The following WDR87 variants were observed in gnomAD, a reference collection of about 807,000 sequenced individuals.
WDR87 encodes the protein WD repeat-containing protein 87.
A neutral mutation model predicts 83.3 loss-of-function variants in WDR87; 56 were observed. The ratio of observed to expected loss-of-function variants is 0.67; its 90% CI spans 0.54 to 0.84. WDR87 has a LOEUF of 0.84. Ranked by LOEUF, WDR87 falls within the 40% of genes least tolerant of loss-of-function variation. WDR87 has a pLI of 0.00. For missense variants in WDR87, 2,939 were observed against 3,431.9 expected (o/e 0.86, Z 3.59); for synonymous variants, 1,173 against 1,250.6 (o/e 0.94, Z 1.31).
chr19:37,902,022 G>GTTTATTTA (rs10618499), intron 1 of WDR87, among the ~76,000 whole-genome samples: 19 of 145,060 alleles, frequency 1.3e-4, no homozygotes, highest in Non-Finnish European at 2.4e-4. Flanking sequence ...GGCCCTCTAT[G>GTTTATTTA]TTTATTTATT....
rs1005429821 is a variant in WDR87 at position 37,887,025 on chromosome 19, C to T, written c.6646G>A (p.Asp2216Asn). 1 of 1,552,074 alleles carries T rather than the reference C, an allele frequency of 6.4e-7. No homozygotes were observed. Among genetic ancestry groups the T allele is most frequent in the African/African-American group, 1.4e-5 (1 of 73,148 alleles). ...TCTATTCCTCCTTCCTCTTCATCAT[C>T]CAGTATGACTTCTGAATGCTTTCTG... The part of the protein sequence containing the change: ...LARKHSEVIL[D>N]DEEEGGIEEE... The change falls in exon 6 of 6, where the codon GAT (aspartate) becomes AAT (asparagine). Residue 2216 changes from aspartate to asparagine, a missense_variant. Physicochemically the swap from Asp to Asn is conservative, Grantham distance 23. This residue lies in a region of WDR87 where 2,160 missense variants were observed against 2,533.1 expected (regional missense o/e 0.85). Coordinates refer to ENST00000447313, the MANE Select transcript of WDR87 (RefSeq NM_001291088.2).
intron 3 of WDR87, 95 bp from the exon 4 acceptor site, chr19:37,895,551 TGA>T (rs2145434904): frequency 8.6e-7 from 1 of 1,162,632 alleles, no homozygotes; most frequent in East Asian, 2.6e-5. Context: ...GTGGATCACC[TGA>T]GGTCAGGAGT....
At chr19:37,903,434 C>T (rs2046304495) in intron 1 of WDR87, among the ~76,000 whole-genome samples, 1 of 152,170 alleles carries the variant, frequency 6.6e-6, no homozygotes. Context: ...GGGCTAGTTT[C>T]TGTTGGATGG....
Position 37,890,000 on chromosome 19 carries a change from G to A in WDR87, c.3671C>T (p.Ala1224Val). The A allele has an allele frequency of 6.4e-7, 1 of 1,551,628 alleles. No individual in the cohort carries two copies. Among genetic ancestry groups the A allele is most frequent in the Non-Finnish European group, 8.7e-7 (1 of 1,146,998 alleles). Residue 1224 changes from alanine (A) to valine (V), a missense_variant, in exon 6 of 6, where the codon GCT becomes GTT. Ala to Val is a moderately conservative substitution (Grantham distance 64, BLOSUM62 0). Transcript: ENST00000447313. Reference protein sequence around the residue: ...IRDKRDKKATAQKLKKKHKKK... With the variant: ...IRDKRDKKATVQKLKKKHKKK... ...TTTGTGCTTCTTTTTGAGTTTCTGA[G>A]CTGTTGCTTTCTTGTCTCTTTTGTC...
chr19:37,890,391 G>A, intron 5 of WDR87, 115 bp from the exon 6 acceptor site: 16 of 1,248,094 alleles, frequency 1.3e-5, no homozygotes, highest in Admixed American at 3.8e-5. Flanking sequence ...ACAACAGAGA[G>A]AACTGAGGCC....
Position 37,886,869 on chromosome 19 carries a change from C to G in WDR87, c.6802G>C (p.Glu2268Gln). Residue 2268 changes from glutamate (E) to glutamine (Q), a missense_variant, in exon 6 of 6, where the codon GAA (glutamate) becomes CAA (glutamine). Glu to Gln is a conservative substitution (Grantham distance 29). This residue lies in a region of WDR87 where 2,160 missense variants were observed against 2,533.1 expected (regional missense o/e 0.85). Coordinates refer to ENST00000447313, the MANE Select transcript of WDR87 (RefSeq NM_001291088.2). The part of the protein sequence containing the change: ...EVESEEHFSE[E>Q]MESLLDELEK... ...AGTTCATCTAACAGGCTTTCCATTT[C>G]TTCAGAAAAATGCTCTTCACTTTCC... 1 of 1,551,484 alleles carries G rather than the reference C, an allele frequency of 6.4e-7. No individual in the cohort carries two copies. The highest frequency in any genetic ancestry group is 8.7e-7 in the Non-Finnish European group (1 of 1,146,948).
chr19:37,896,246 G>C lies in WDR87; in HGVS notation c.138C>G (p.Phe46Leu), dbSNP rs761890202. ...TATTTTGAGGATAGCGAGACTCTTT[G>C]AACAGTACCTGGGACCGGTCACTCA... is the stretch of plus-strand genomic sequence containing the variant. ...IVLSDRSQVL[F>L]KESRYPQNMP... The change falls in exon 3 of 6, where the codon TTC (phenylalanine) becomes TTG (leucine). Residue 46 changes from phenylalanine to leucine, a missense_variant. Coordinates refer to ENST00000447313, the MANE Select transcript of WDR87 (RefSeq NM_001291088.2). The C allele has an allele frequency of 4.4e-5, 69 of 1,552,096 alleles. 2 individuals carry two copies. In the South Asian group the frequency reaches 8.2e-4, roughly 18 times the overall value.
chr19:37,890,645 A>G (rs2046197528), intron 5 of WDR87, among the ~76,000 whole-genome samples: 1 of 152,166 alleles, frequency 6.6e-6, no homozygotes, highest in African/African-American at 2.4e-5. Context: ...TGCAATCACA[A>G]TCAGGATATA....
rs2046217555 is a variant in WDR87, at chr19:37,892,797, G to C, written c.2906C>G (p.Thr969Arg). The C allele has an allele frequency of 2.6e-5, 41 of 1,551,752 alleles. No homozygotes were observed. The highest frequency in any genetic ancestry group is 3.6e-5 in the Non-Finnish European group (41 of 1,147,012). The change falls in exon 4 of 6, where the codon ACA becomes AGA. Residue 969 changes from threonine (T) to arginine (R), a missense_variant. Thr to Arg is a moderately conservative substitution (Grantham distance 71, BLOSUM62 -1). Coordinates refer to ENST00000447313, the MANE Select transcript of WDR87 (RefSeq NM_001291088.2). ...TCGGATCAGCGGGTTGGAATTGGTT[G>C]TATCATTCAGTAGCCGACGGGCTGT... Reference protein sequence around the residue: ...SETARRLLNDTTNSNPLIREL... With the variant: ...SETARRLLNDRTNSNPLIREL...
chr19:37,891,295 C>G (rs1480052388), intron 5 of WDR87, among the ~76,000 whole-genome samples: 1 of 151,932 alleles, frequency 6.6e-6, no homozygotes, highest in Non-Finnish European at 1.5e-5. Flanking sequence ...TCCCAAATAG[C>G]TGGGATTACA....
Position 37,893,602 on chromosome 19 carries a change from G to A in WDR87, c.2101C>T (p.Pro701Ser). 6.4e-7 allele frequency: 1 copy of A among 1,552,066 alleles called. No homozygotes were observed. Among genetic ancestry groups the A allele is most frequent in the East Asian group, 2.4e-5 (1 of 40,924 alleles). Reference protein sequence around the residue: ...ISDEVLEVPKPFIPSFFFSFE... With the variant: ...ISDEVLEVPKSFIPSFFFSFE... ...GAGAAGAAGAAGCTTGGTATGAAAG[G>A]CTTAGGGACTTCCAGTACTTCATCT... Residue 701 changes from proline to serine, a missense_variant, in exon 4 of 6, where the codon CCT (proline) becomes TCT (serine). Physicochemically the swap from Pro to Ser is moderately conservative, Grantham distance 74. Coordinates refer to ENST00000447313, the MANE Select transcript of WDR87 (RefSeq NM_001291088.2).
chr19:37,889,695 A>G lies in WDR87; in HGVS notation c.3976T>C (p.Phe1326Leu), dbSNP rs930550640. Residue 1326 changes from phenylalanine to leucine, a missense_variant, in exon 6 of 6, where the codon TTT (phenylalanine) becomes CTT (leucine). Around this residue, in one of 3 missense-constraint regions of WDR87, gnomAD observed 2,160 missense variants for 2,533.1 expected, o/e 0.85. Coordinates refer to ENST00000447313, the MANE Select transcript of WDR87 (RefSeq NM_001291088.2). ...LVDRHPSWELFQEICPLLKKE... is the reference protein window; with the variant it reads ...LVDRHPSWELLQEICPLLKKE... ...TTCAATAGGGGGCAGATCTCCTGAA[A>G]GAGTTCCCAGCTGGGGTGCCTATCT... 6.4e-7 allele frequency: 1 copy of G among 1,551,754 alleles called. No homozygotes were observed.
In WDR87 at chr19:37,888,268, T is replaced by C; in HGVS notation, c.5403A>G (p.Lys1801=). The C allele has an allele frequency of 6.4e-7, 1 of 1,551,722 alleles. No individual in the cohort carries two copies. The highest frequency in any genetic ancestry group is 8.7e-7 in the Non-Finnish European group (1 of 1,147,026). ...EEEALAWQRE[K]LSEEETKLAQ... The stretch of plus-strand genomic sequence containing the variant: ...CCAGTTTTGTCTCTTCTTCAGACAG[T>C]TTCTCCCTTTGCCAGGCCAATGCCT... The change falls in exon 6 of 6, where the codon AAA becomes AAG. Residue 1801 remains lysine, a synonymous_variant. Transcript: ENST00000447313.
Position 37,888,416 on chromosome 19 carries a change from T to G in WDR87, c.5255A>C (p.Glu1752Ala). 1 of 1,552,206 alleles carries G rather than the reference T, an allele frequency of 6.4e-7. No individual in the cohort carries two copies. Among genetic ancestry groups the G allele is most frequent in the Non-Finnish European group, 8.7e-7 (1 of 1,147,110 alleles). Reference sequence around the variant, plus strand: ...CAGTTCCTCCAATTCCTGGGCCAGCTCCTTTTCTTGCCAGTCCAGATTTTG... The same window carrying G: ...CAGTTCCTCCAATTCCTGGGCCAGCGCCTTTTCTTGCCAGTCCAGATTTTG... ...REQNLDWQEK[E>A]LAQELEELEW... is the part of the protein sequence containing the mutation. The change falls in exon 6 of 6, where the codon GAG becomes GCG. Residue 1752 changes from glutamate (E) to alanine (A), a missense_variant. Transcript: ENST00000447313.
chr19:37,891,700 T>C lies in WDR87; in HGVS notation c.3246A>G (p.Arg1082=). 1 of 1,551,924 alleles carries C rather than the reference T, an allele frequency of 6.4e-7. No homozygotes were observed. Among genetic ancestry groups the C allele is most frequent in the Non-Finnish European group, 8.7e-7 (1 of 1,147,050 alleles). The change falls in exon 5 of 6, where the codon AGA becomes AGG. Residue 1082 remains arginine (R), a synonymous_variant. Coordinates refer to ENST00000447313, the MANE Select transcript of WDR87 (RefSeq NM_001291088.2). Reference sequence around the variant, plus strand: ...CTAAAGAAAAAGCCGGCTTTTCATCTCTATGTGACAGGGTCAGGTTTTCAT... The same window carrying C: ...CTAAAGAAAAAGCCGGCTTTTCATCCCTATGTGACAGGGTCAGGTTTTCAT... The part of the protein sequence containing the change: ...RLNENLTLSH[R]DEKPAFSLDV...
intron 1 of WDR87, among the ~76,000 whole-genome samples, chr19:37,901,961 C>A (rs1288266759): frequency 6.6e-6 from 1 of 152,136 alleles, no homozygotes; most frequent in African/African-American, 2.4e-5. Flanking sequence ...AGCGATCCAC[C>A]TGCCTCAGCC....
chr19:37,889,176 A>G lies in WDR87; in HGVS notation c.4495T>C (p.Trp1499Arg). 1.3e-6 allele frequency: 2 copies of G among 1,552,042 alleles called. No homozygotes were observed. The highest frequency in any genetic ancestry group is 1.7e-6 in the Non-Finnish European group (2 of 1,147,088). ...TTCCACTCATCCCAGGCCTTTTTCC[A>G]GTCCTGCCAAGATGGTGTCCTCTCA... Reference protein sequence around the residue: ...MIERTPSWQDWKKAWDEWKQV... With the variant: ...MIERTPSWQDRKKAWDEWKQV... Residue 1499 changes from tryptophan (W) to arginine (R), a missense_variant, in exon 6 of 6, where the codon TGG becomes CGG. Coordinates refer to ENST00000447313, the MANE Select transcript of WDR87 (RefSeq NM_001291088.2).
chr19:37,889,722 C>G lies in WDR87; in HGVS notation c.3949G>C (p.Val1317Leu), dbSNP rs766593366. The G allele has an allele frequency of 1.8e-5, 28 of 1,551,562 alleles. No homozygotes were observed. In the South Asian group the frequency reaches 3.3e-4, roughly 18 times the overall value. Residue 1317 changes from valine (V) to leucine (L), a missense_variant, in exon 6 of 6, where the codon GTA (valine) becomes CTA (leucine). Val to Leu is a conservative substitution (Grantham distance 32, BLOSUM62 1). Coordinates refer to ENST00000447313, the MANE Select transcript of WDR87 (RefSeq NM_001291088.2). ...AGTTCCCAGCTGGGGTGCCTATCTA[C>G]CAGCATCTCCTGAGCAAATGTCACT... is the stretch of plus-strand genomic sequence containing the variant. ...ELVTFAQEMLVDRHPSWELFQ... is the reference protein window; with the variant it reads ...ELVTFAQEMLLDRHPSWELFQ...
In WDR87 at chr19:37,887,729, G is replaced by A. The variant is rs1440059777; in HGVS notation, c.5942C>T (p.Ala1981Val). 4 of 1,551,574 alleles carry A rather than the reference G, an allele frequency of 2.6e-6. No homozygotes were observed. The highest frequency in any genetic ancestry group is 3.5e-6 in the Non-Finnish European group (4 of 1,147,028). ...GAGCCGTTTCTTTCCTTGGACCATT[G>A]CCTTCTCCAGAGCTAATTTCATTTT... ...QEKMKLALEK[A>V]MVQGKKRLRG... The change falls in exon 6 of 6, where the codon GCA (alanine) becomes GTA (valine). Residue 1981 changes from alanine (A) to valine (V), a missense_variant. Around this residue, in one of 3 missense-constraint regions of WDR87, gnomAD observed 2,160 missense variants for 2,533.1 expected, o/e 0.85. Coordinates refer to ENST00000447313, the MANE Select transcript of WDR87 (RefSeq NM_001291088.2).
Sources: gnomAD v4.1 joint callset for allele counts (sites outside exome capture counted in the v4.1 genomes callset) on GRCh38, gnomAD v4.1.1 for gene constraint, gnomAD v4.1.1 regional missense constraint, MANE v1.5 for transcripts, NCBI Gene and HGNC (gene_info 2026-07-23, HGNC 2026-07-21) for gene names.